The following ARHGEF16 variants were observed in gnomAD, a reference collection of about 807,000 sequenced individuals.
ARHGEF16 encodes Rho guanine nucleotide exchange factor 16, also known as Rho guanine exchange factor (GEF) 16.
In ARHGEF16, 59 loss-of-function variants were observed where a neutral mutation model predicts 74.1. The observed-to-expected ratio is 0.80, with a 90% CI of 0.65 to 0.99. ARHGEF16 has a LOEUF of 0.99. Among genes scored for constraint, ARHGEF16 ranks in the 50% least tolerant of loss-of-function variants. The pLI is 0.00. For missense variants in ARHGEF16, 948 were observed against 986.6 expected (o/e 0.96, Z 0.52); for synonymous variants, 415 against 412.6 (o/e 1.01, Z -0.07).
intron 10 of ARHGEF16, among the ~76,000 whole-genome samples, chr1:3,476,837 C>T (rs1032675151): frequency 7.8e-5 from 11 of 141,758 alleles, no homozygotes; most frequent in African/African-American, 2.8e-4. Flanking sequence ...AGGGGGCTCC[C>T]GGGGTGGGTC....
chr1:3,476,774 CCTCA>C (rs1324157311), intron 10 of ARHGEF16, among the ~76,000 whole-genome samples: 7 of 152,086 alleles, frequency 4.6e-5, no homozygotes, highest in African/African-American at 1.4e-4. Flanking sequence ...CACCAGCCAC[CCTCA>C]CTCAGGGCCA....
intron 1 of ARHGEF16, among the ~76,000 whole-genome samples, chr1:3,461,814 C>T (rs145730503): frequency 2.2e-4 from 33 of 152,304 alleles, no homozygotes; most frequent in African/African-American, 6.5e-4. Flanking sequence ...TGCCTGGCCA[C>T]GCGTGCCTAT....
chr1:3,467,851 G>T (rs1639591155), intron 4 of ARHGEF16, among the ~76,000 whole-genome samples: 1 of 152,136 alleles, frequency 6.6e-6, no homozygotes. Context: ...AGGTGGACCG[G>T]CATGTGACCC....
rs201809891 is a variant in ARHGEF16 at position 3,480,407 on chromosome 1, G to A, written c.1991-41G>A. 2.6e-4 allele frequency: 420 copies of A among 1,608,344 alleles called. 6 individuals are homozygous for A. In the Admixed American group the frequency reaches 6.3e-3, roughly 24 times the overall value. On this transcript the variant is annotated intron_variant, in intron 14 of 14. Coordinates refer to ENST00000378378, the MANE Select transcript of ARHGEF16 (RefSeq NM_014448.4). ...AGCTCAGAGGGGCCGGGGGACCCAC[G>A]GCCTTCCCCTCACCTCCCTCCCACC...
rs561373456 is a variant in ARHGEF16, at chr1:3,466,208, G to T, written c.634+15G>T. On this transcript the variant is annotated intron_variant, in intron 3 of 14. Coordinates refer to ENST00000378378, the MANE Select transcript of ARHGEF16 (RefSeq NM_014448.4). ...CTTCAAGGACGGTGAGTGTGGCTTC[G>T]GGAGGCACCGCGGGCTGGGCTCCAG... 7 of 1,536,536 alleles carry T rather than the reference G, an allele frequency of 4.6e-6. No individual in the cohort carries two copies. In the East Asian group the frequency reaches 1.3e-4, roughly 28 times the overall value.
At chr1:3,478,203 C>T in intron 11 of ARHGEF16, 177 bp downstream of exon 11, 3 of 983,658 alleles carry the variant, frequency 3.0e-6, no homozygotes, top group Non-Finnish European at 4.5e-6. Context: ...GCTCGCTGTG[C>T]AGCCTCTGAC....
chr1:3,473,497 T>A lies in ARHGEF16; in HGVS notation c.1280T>A (p.Val427Glu). The A allele has an allele frequency of 6.2e-7, 1 of 1,610,582 alleles. No homozygotes were observed. Among genetic ancestry groups the A allele is most frequent in the Non-Finnish European group, 8.5e-7 (1 of 1,179,988 alleles). ...LSFLILPMQR[V>E]TRLPLLMDTL... ...TTCCTGATCCTCCCCATGCAGCGGG[T>A]GACCCGGCTGCCCCTCCTGATGGAT... The change falls in exon 8 of 15, where the codon GTG (valine) becomes GAG (glutamate). Residue 427 changes from valine to glutamate, a missense_variant. Transcript: ENST00000378378.
chr1:3,457,317 G>A (rs569269134), intron 1 of ARHGEF16, among the ~76,000 whole-genome samples: 17 of 152,364 alleles, frequency 1.1e-4, no homozygotes, highest in Non-Finnish European at 2.2e-4. Flanking sequence ...CCACTGGGCC[G>A]AGTGGGGTCA....
Position 3,473,172 on chromosome 1 carries a change from C to T in ARHGEF16, c.1117C>T (p.Pro373Ser). 6.2e-7 allele frequency: 1 copy of T among 1,613,262 alleles called. No homozygotes were observed. The highest frequency in any genetic ancestry group is 8.5e-7 in the Non-Finnish European group (1 of 1,179,846). ...LEEHAEKHFH[P>S]YIAYCSNEVY... is the part of the protein sequence containing the mutation. ...GGAGCACGCTGAGAAGCACTTCCAC[C>T]CCTACATCGCCTACTGCTCCAACGA... The change falls in exon 7 of 15, where the codon CCC becomes TCC. Residue 373 changes from proline (P) to serine (S), a missense_variant. Transcript: ENST00000378378.
chr1:3,464,826 C>T lies in ARHGEF16; in HGVS notation c.588+1154C>T, dbSNP rs1015046538. On this transcript the variant is annotated intron_variant, in intron 2 of 14. Transcript: ENST00000378378. ...CCAGAGCGTCTTCTTCACTGGTTGC[C>T]GTCCCAGCTGCCTCCTCAGGCCCAG... Among the ~76,000 whole-genome samples, 3 of 152,210 alleles carry T rather than the reference C, an allele frequency of 2.0e-5. No homozygotes were observed. The East Asian group carries it at 5.8e-4, about 29-fold the overall frequency.
intron 10 of ARHGEF16, 115 bp from the exon 11 acceptor site, chr1:3,477,760 G>A (rs1639928689): frequency 1.0e-6 from 1 of 958,914 alleles, no homozygotes; most frequent in Admixed American, 2.0e-5. Flanking sequence ...TCCAGAGGCA[G>A]GAGTCAGTCC....
At chr1:3,466,671 G>GT (rs1029983007) in intron 3 of ARHGEF16, among the ~76,000 whole-genome samples, 3 of 152,216 alleles carry the variant, frequency 2.0e-5, no homozygotes, top group African/African-American at 7.2e-5. Context: ...TTGACATAGG[G>GT]AGGTGCCTGC....
At chr1:3,478,278 TTCTGTGGG>T in intron 11 of ARHGEF16, 138 bp from the exon 12 acceptor site, 1 of 1,001,948 alleles carries the variant, frequency 1.0e-6, no homozygotes, top group South Asian at 1.6e-5. Flanking sequence ...ATGGCCTCTG[TTCTGTGGG>T]ACGCGGGAAC....
At chr1:3,478,092 C>T in intron 11 of ARHGEF16, 66 bp downstream of exon 11, 1 of 1,604,338 alleles carries the variant, frequency 6.2e-7, no homozygotes, top group South Asian at 1.1e-5. Context: ...GGCCCTGGGG[C>T]AGGAGGGTAC....
At chr1:3,477,273 C>T (rs1343205652) in intron 10 of ARHGEF16, among the ~76,000 whole-genome samples, 1 of 120,848 alleles carries the variant, frequency 8.3e-6, no homozygotes, top group Non-Finnish European at 1.8e-5. Context: ...CCACCCTGTA[C>T]TGCCACCCCC....
At chr1:3,473,609 T>C (rs1240347770) in intron 8 of ARHGEF16, 87 bp downstream of exon 8, 2 of 1,573,892 alleles carry the variant, frequency 1.3e-6, no homozygotes, top group South Asian at 2.2e-5. Context: ...CATTACGTGC[T>C]TGTGACCTTC....
intron 7 of ARHGEF16, 39 bp downstream of exon 7, chr1:3,473,269 A>G (rs770192126): frequency 3.2e-5 from 51 of 1,604,896 alleles, no homozygotes; most frequent in Non-Finnish European, 4.3e-5. Context: ...GTGGCTCAGG[A>G]GCATCCTGCA....
chr1:3,466,737 G>T (rs531799667), intron 3 of ARHGEF16, among the ~76,000 whole-genome samples: 1 of 152,202 alleles, frequency 6.6e-6, no homozygotes, highest in Non-Finnish European at 1.5e-5. Flanking sequence ...GAAGCCCGGG[G>T]AGGGCTAAGG....
intron 12 of ARHGEF16, among the ~76,000 whole-genome samples, chr1:3,479,095 CTGA>C (rs1307963077): frequency 6.6e-6 from 1 of 152,174 alleles, no homozygotes; most frequent in Non-Finnish European, 1.5e-5. Context: ...GGAGGGGGCA[CTGA>C]TGGAGTCTCT....
Sources: gnomAD v4.1 joint callset for allele counts (sites outside exome capture counted in the v4.1 genomes callset) on GRCh38, gnomAD v4.1.1 for gene constraint, MANE v1.5 for transcripts, NCBI Gene and HGNC (gene_info 2026-07-23, HGNC 2026-07-21) for gene names.